Variants in COL20A1 observed in about 807,000 individuals in gnomAD.
The protein encoded by COL20A1 is collagen alpha-1(XX) chain.
COL20A1 carries 164 observed loss-of-function variants against 152.9 expected under a neutral mutation model. The ratio of observed to expected loss-of-function variants is 1.07; its 90% CI spans 0.94 to 1.22. COL20A1 has a LOEUF of 1.22. COL20A1 is among the 50% of genes most tolerant of loss of function. The pLI is 0.00. For synonymous variants in COL20A1, 864 were observed against 756.0 expected, an observed-to-expected ratio of 1.14 and a Z score of -2.34; for missense variants, 1,873 against 1,744.8, an observed-to-expected ratio of 1.07 and a Z score of -1.31.
chr20:63,328,757 T>A (rs2068291865), intron 34 of COL20A1, among the ~76,000 whole-genome samples: 1 of 152,182 alleles, frequency 6.6e-6, no homozygotes, highest in Non-Finnish European at 1.5e-5. Flanking sequence ...TCAGGAAACA[T>A]GAGCTGCCTG....
chr20:63,320,224 G>A (rs917654851), intron 24 of COL20A1, 27 bp downstream of exon 24: 1 of 1,601,242 alleles, frequency 6.2e-7, no homozygotes, highest in Non-Finnish European at 8.5e-7. Context: ...CCACCTGCTG[G>A]GCCACGCTGG....
chr20:63,323,600 G>T (rs6011734), intron 27 of COL20A1, among the ~76,000 whole-genome samples: 143,804 of 152,228 alleles, frequency 0.94, 68,443 homozygotes, highest in East Asian at 1. Flanking sequence ...CGCCTGAGTC[G>T]TTCATTACAC....
Position 63,326,087 on chromosome 20 carries a change from T to C in COL20A1, c.3403-9T>C. 6.2e-7 allele frequency: 1 copy of C among 1,612,536 alleles called. No homozygotes were observed. The highest frequency in any genetic ancestry group is 8.5e-7 in the Non-Finnish European group (1 of 1,179,488). The stretch of plus-strand genomic sequence containing the variant: ...ACCCCACCCAGCTTGCGCCTTCCTT[T>C]GCCATCAGGGAATGAGAGGCCTGGA... On this transcript the variant is annotated splice_polypyrimidine_tract_variant and intron_variant, in intron 29 of 35. Transcript: ENST00000358894.
chr20:63,328,326 C>A lies in COL20A1; in HGVS notation c.3614-5C>A. On this transcript the variant is annotated splice_region_variant and splice_polypyrimidine_tract_variant and intron_variant, in intron 33 of 35. Transcript: ENST00000358894. ...GTGTCCTGCTGACACCCCTCCTCCC[C>A]ACAGCACACGTGTCAAAGTTCGACT... 6.2e-7 allele frequency: 1 copy of A among 1,609,130 alleles called. No individual in the cohort carries two copies. Among genetic ancestry groups the A allele is most frequent in the Non-Finnish European group, 8.5e-7 (1 of 1,177,708 alleles).
chr20:63,326,363 C>G (rs1373310339), intron 30 of COL20A1, among the ~76,000 whole-genome samples: 1 of 152,182 alleles, frequency 6.6e-6, no homozygotes, highest in African/African-American at 2.4e-5. Context: ...GGGCTCTGTG[C>G]TGAGGACTCA....
At chr20:63,295,966 A>G (rs1395991850) in intron 2 of COL20A1, among the ~76,000 whole-genome samples, 1 of 152,204 alleles carries the variant, frequency 6.6e-6, no homozygotes, top group Admixed American at 6.5e-5. Context: ...GCTGGGGTGA[A>G]AGGCAGCTCC....
chr20:63,326,800 C>T lies in COL20A1; in HGVS notation c.3505C>T (p.Pro1169Ser). Residue 1169 changes from proline to serine, a missense_variant, in exon 31 of 36, where the codon CCT (proline) becomes TCT (serine). Transcript: ENST00000358894. Reference protein sequence around the residue: ...GARGTSGERGPPGTVGPTGLP... With the variant: ...GARGTSGERGSPGTVGPTGLP... ...CAGGGGCACTAGTGGAGAGCGAGGA[C>T]CTCCAGGGACCGTGGGGCCCACAGT... 6.7e-7 allele frequency: 1 copy of T among 1,502,024 alleles called. No homozygotes were observed. Among genetic ancestry groups the T allele is most frequent in the African/African-American group, 1.5e-5 (1 of 67,980 alleles). 93.0% of individuals were successfully genotyped at this position (1,502,024 alleles called of 1,614,324 possible).
intron 14 of COL20A1, 27 bp from the exon 15 acceptor site, chr20:63,312,393 G>C: frequency 6.5e-7 from 1 of 1,535,126 alleles, no homozygotes; most frequent in Non-Finnish European, 8.7e-7. Context: ...AGCTGGGCCT[G>C]CCATGTCGCC....
Position 63,306,196 on chromosome 20 carries a change from T to C in COL20A1, c.496+157T>C, listed in dbSNP as rs2067924011. On this transcript the variant is annotated intron_variant, in intron 5 of 35. Transcript: ENST00000358894. The surrounding 1 kb of genome is among the most constrained non-coding windows in gnomAD (Gnocchi z 6.9). ...TTCTTCCTCGTGTCTGACCACACGGTCTCTGACCACGAGGCCGGGAAGTTC... is the reference window on the plus strand; with the variant it reads ...TTCTTCCTCGTGTCTGACCACACGGCCTCTGACCACGAGGCCGGGAAGTTC... The C allele has an allele frequency of 1.0e-5, 6 of 581,818 alleles. No homozygotes were observed. The South Asian group carries it at 1.3e-4, about 12-fold the overall frequency. 36.0% of individuals were successfully genotyped at this position (581,818 alleles called of 1,614,324 possible).
chr20:63,327,808 T>C lies in COL20A1; in HGVS notation c.3529-144T>C. The C allele has an allele frequency of 5.0e-6, 4 of 806,298 alleles. No homozygotes were observed. In the Admixed American group the frequency reaches 8.9e-5, roughly 18 times the overall value. The allele number at this position is 806,298 out of a possible 1,614,324, so 49.9% of individuals were successfully genotyped here. On this transcript the variant is annotated intron_variant, in intron 31 of 35. Coordinates refer to ENST00000358894, the MANE Select transcript of COL20A1 (RefSeq NM_020882.4). ...GCGAGGACCACAGGCTCCTAGGATC[T>C]GGGAATTTGGGATGGGGCTTTCACA...
chr20:63,327,622 G>A, intron 31 of COL20A1: 1 of 355,490 alleles, frequency 2.8e-6, no homozygotes, highest in South Asian at 3.5e-5. Flanking sequence ...CCCGGGCCCG[G>A]GGCCCGGGAG....
In COL20A1 at chr20:63,319,522, C is replaced by T. The variant is rs1323206747; in HGVS notation, c.2842C>T (p.Pro948Ser). ...GTCCCTGACCTACTTCCACCGTGAC[C>T]CCAGGGCTGCCTTGCAGGAGGCCAC... ...KKSLTYFHRDPRAALQEATFD... is the reference protein window; with the variant it reads ...KKSLTYFHRDSRAALQEATFD... Residue 948 changes from proline to serine, a missense_variant, in exon 23 of 36, where the codon CCC becomes TCC. Physicochemically the swap from Pro to Ser is moderately conservative, Grantham distance 74. Transcript: ENST00000358894. This position sits in a 1 kb window ranked among gnomAD's most constrained non-coding sequence, Gnocchi z 4.4. 4.4e-6 allele frequency: 7 copies of T among 1,594,526 alleles called. No homozygotes were observed. Among genetic ancestry groups the T allele is most frequent in the Admixed American group, 3.5e-5 (2 of 57,842 alleles).
chr20:63,319,203 G>T lies in COL20A1; in HGVS notation c.2806+3G>T. On this transcript the variant is annotated splice_donor_region_variant and intron_variant, in intron 22 of 35. Coordinates refer to ENST00000358894, the MANE Select transcript of COL20A1 (RefSeq NM_020882.4). This position sits in a 1 kb window ranked among gnomAD's most constrained non-coding sequence, Gnocchi z 4.4. ...CCTCCTTGGGGTTCTGCTGGATGGT[G>T]ACGTGGGCCCCGCGTCGCCCCCAGC... 6.2e-7 allele frequency: 1 copy of T among 1,611,842 alleles called. No homozygotes were observed. The highest frequency in any genetic ancestry group is 8.5e-7 in the Non-Finnish European group (1 of 1,179,380).
In COL20A1 at chr20:63,312,931, C is replaced by G; in HGVS notation, c.2073C>G (p.His691Gln). 2 of 1,550,322 alleles carry G rather than the reference C, an allele frequency of 1.3e-6. No homozygotes were observed. Among genetic ancestry groups the G allele is most frequent in the South Asian group, 1.2e-5 (1 of 84,148 alleles). The change falls in exon 16 of 36, where the codon CAC (histidine) becomes CAG (glutamine). Residue 691 changes from histidine (H) to glutamine (Q), a missense_variant. Transcript: ENST00000358894. ...CGCCCCTGGGAGAGGGGAAGGCTCA[C>G]GAGGTGGGCAGGGGTGGGTTTGTCC... ...TWTPLGEGKA[H>Q]EISVPGNLGT...
chr20:63,310,427 C>T lies in COL20A1; in HGVS notation c.1310C>T (p.Ala437Val). Residue 437 changes from alanine to valine, a missense_variant, in exon 11 of 36, where the codon GCC becomes GTC. By Grantham distance (64) the Ala-to-Val change is moderately conservative (BLOSUM62 0). Coordinates refer to ENST00000358894, the MANE Select transcript of COL20A1 (RefSeq NM_020882.4). ...GCCTCCACGGAGCTGCACAACCTGG[C>T]CTCCCGCACAGAGTACCTGGTCTCC... ...PAASTELHNLASRTEYLVSVF... is the reference protein window; with the variant it reads ...PAASTELHNLVSRTEYLVSVF... 6.2e-7 allele frequency: 1 copy of T among 1,610,536 alleles called. No individual in the cohort carries two copies. The highest frequency in any genetic ancestry group is 8.5e-7 in the Non-Finnish European group (1 of 1,179,028).
chr20:63,307,796 G>T, intron 6 of COL20A1, 148 bp downstream of exon 6: 1 of 1,201,048 alleles, frequency 8.3e-7, no homozygotes, highest in Non-Finnish European at 1.2e-6. Context: ...GGGTGTTCTG[G>T]GGACCCCTCC....
chr20:63,325,207 G>A, intron 27 of COL20A1: 1 of 676,992 alleles, frequency 1.5e-6, no homozygotes. Flanking sequence ...TGACCCAGAG[G>A]GGCCACAGGA....
intron 30 of COL20A1, among the ~76,000 whole-genome samples, 153 bp downstream of exon 30, chr20:63,326,302 C>T (rs6089884): frequency 0.04 from 6,094 of 152,186 alleles, 434 homozygotes; most frequent in African/African-American, 0.14. Flanking sequence ...TTCTGCAGGG[C>T]CCTGTGGGTG....
Position 63,329,619 on chromosome 20 carries a change from T to A in COL20A1, c.3816T>A (p.Pro1272=), listed in dbSNP as rs776192383. 6.2e-7 allele frequency: 1 copy of A among 1,607,846 alleles called. No homozygotes were observed. The highest frequency in any genetic ancestry group is 8.5e-7 in the Non-Finnish European group (1 of 1,178,900). The change falls in exon 35 of 36, where the codon CCT becomes CCA. Residue 1272 remains proline (P), a synonymous_variant. Coordinates refer to ENST00000358894, the MANE Select transcript of COL20A1 (RefSeq NM_020882.4). ...EPGAVGQMGS[P]GQQGASTQGL... Reference sequence around the variant, plus strand: ...GAGCTGTTGGTCAGATGGGCAGCCCTGGGCAGCAGGGGGCTAGCACCCAGG... The same window carrying A: ...GAGCTGTTGGTCAGATGGGCAGCCCAGGGCAGCAGGGGGCTAGCACCCAGG...
Sources: gnomAD v4.1 joint callset for allele counts (sites outside exome capture counted in the v4.1 genomes callset) on GRCh38, gnomAD v4.1.1 for gene constraint, Gnocchi (gnomAD v3.1) non-coding constraint, MANE v1.5 for transcripts, NCBI Gene and HGNC (gene_info 2026-07-23, HGNC 2026-07-21) for gene names.